FBN2: variants seen among roughly 807,000 people sequenced by gnomAD.
FBN2 encodes the protein fibrillin 2.
In FBN2, 105 loss-of-function variants were observed where a neutral mutation model predicts 355.6. The observed-to-expected ratio is 0.30, with a 90% CI of 0.25 to 0.35. The LOEUF is 0.35. Ranked by LOEUF, FBN2 falls within the 10% of genes least tolerant of loss-of-function variation. FBN2 has a pLI of 1.00. For missense variants in FBN2, 3,280 were observed against 3,758.7 expected (o/e 0.87, Z 3.33); for synonymous variants, 1,350 against 1,301.2 (o/e 1.04, Z -0.81).
intron 8 of FBN2, among the ~76,000 whole-genome samples, chr5:128,400,059 T>C (rs1294820342): frequency 4.0e-5 from 6 of 151,748 alleles, no homozygotes; most frequent in African/African-American, 1.5e-4. Context: ...AAAATAGATA[T>C]AGGCTGTTTA....
At chr5:128,335,421 G>C in intron 29 of FBN2, 34 bp downstream of exon 29, 1 of 1,613,890 alleles carries the variant, frequency 6.2e-7, no homozygotes, top group Non-Finnish European at 8.5e-7. Context: ...AAATTAGTTA[G>C]ATGTACAAAA....
rs917017781 is a variant in FBN2, at chr5:128,398,064, A to T, written c.1079-2790T>A. 2.0e-5 allele frequency among the ~76,000 whole-genome samples: 3 copies of T among 152,300 alleles called. No individual in the cohort carries two copies. In the East Asian group the frequency reaches 5.8e-4, roughly 29 times the overall value. Reference sequence around the variant, plus strand: ...TCTGTAACCACAAGGTCTTCCTCACATCAATAGCTTTGATGCCTCAATTCA... The same window carrying T: ...TCTGTAACCACAAGGTCTTCCTCACTTCAATAGCTTTGATGCCTCAATTCA... On this transcript the variant is annotated intron_variant, in intron 8 of 64. Transcript: ENST00000262464.
rs147474868 is a variant in FBN2 at position 128,301,401 on chromosome 5, T to C, written c.6027A>G (p.Pro2009=). ...CLCNEGYELT[P]DGKNCIDTNE... ...ACTTACCTATACAGTTTTTGCCATC[T>C]GGGGTAAGTTCATAACCTTCGTTAC... Residue 2009 remains proline, a synonymous_variant, in exon 47 of 65, where the codon CCA becomes CCG. Transcript: ENST00000262464. 8 of 1,613,358 alleles carry C rather than the reference T, an allele frequency of 5.0e-6. No homozygotes were observed. The highest frequency in any genetic ancestry group is 6.8e-6 in the Non-Finnish European group (8 of 1,179,572).
intron 36 of FBN2, among the ~76,000 whole-genome samples, chr5:128,314,269 T>C (rs1750140372): frequency 6.6e-6 from 1 of 152,204 alleles, no homozygotes; most frequent in Non-Finnish European, 1.5e-5. Context: ...GAATCTCAGA[T>C]CTCAGAGGCT....
chr5:128,428,759 A>G (rs1753544731), intron 7 of FBN2, among the ~76,000 whole-genome samples: 1 of 152,174 alleles, frequency 6.6e-6, no homozygotes, highest in Non-Finnish European at 1.5e-5. Flanking sequence ...TCATTACTCT[A>G]TTCCCAGGGT....
At chr5:128,529,346 C>A (rs548666716) in intron 3 of FBN2, among the ~76,000 whole-genome samples, 3 of 152,226 alleles carry the variant, frequency 2.0e-5, no homozygotes, top group African/African-American at 7.2e-5. Context: ...AAAAGGAGCA[C>A]TGAAGGCCAC....
Position 128,538,117 on chromosome 5 carries a change from G to A in FBN2, c.-514C>T, listed in dbSNP as rs1756910240. ...AGAAGAAGAGGAGGGTTCCCTCCGGGCTCGCTCGGAGTCCCACAGGGCAAC... is the reference window on the plus strand; with the variant it reads ...AGAAGAAGAGGAGGGTTCCCTCCGGACTCGCTCGGAGTCCCACAGGGCAAC... On this transcript the variant is annotated 5_prime_UTR_variant, in exon 1 of 65. Coordinates refer to ENST00000262464, the MANE Select transcript of FBN2 (RefSeq NM_001999.4). 6.3e-6 allele frequency: 1 copy of A among 157,626 alleles called. No homozygotes were observed. Among genetic ancestry groups the A allele is most frequent in the South Asian group, 1.7e-4 (1 of 5,804 alleles). 9.8% of individuals were successfully genotyped at this position (157,626 alleles called of 1,614,324 possible).
chr5:128,445,760 T>C (rs1220321812), intron 7 of FBN2, among the ~76,000 whole-genome samples: 7 of 152,132 alleles, frequency 4.6e-5, no homozygotes, highest in African/African-American at 1.4e-4. Flanking sequence ...ATTCTAAATA[T>C]CCATGATCAT....
intron 8 of FBN2, among the ~76,000 whole-genome samples, chr5:128,399,808 T>C (rs537041202): frequency 6.6e-6 from 1 of 152,038 alleles, no homozygotes; most frequent in Non-Finnish European, 1.5e-5. Flanking sequence ...AGAAATAAAG[T>C]ACATAACTTC....
chr5:128,519,425 G>A lies in FBN2; in HGVS notation c.533-57C>T, dbSNP rs1756371067. The A allele has an allele frequency of 3.2e-6, 4 of 1,244,742 alleles. No homozygotes were observed. In the Admixed American group the frequency reaches 6.8e-5, roughly 21 times the overall value. 77.1% of individuals were successfully genotyped at this position (1,244,742 alleles called of 1,614,324 possible). On this transcript the variant is annotated intron_variant, in intron 4 of 64. Coordinates refer to ENST00000262464, the MANE Select transcript of FBN2 (RefSeq NM_001999.4). ...ATAGCCAGTCTCCAAGCACAATATA[G>A]TAGTGCAGTGATGCTGCCAATAAAG...
chr5:128,325,772 GT>G (rs1451285418), intron 34 of FBN2, among the ~76,000 whole-genome samples: 2 of 151,892 alleles, frequency 1.3e-5, no homozygotes, highest in Non-Finnish European at 2.9e-5. Flanking sequence ...TCTTTCCACT[GT>G]TATTATCTCA....
intron 35 of FBN2, 93 bp downstream of exon 35, chr5:128,318,786 T>G: frequency 7.4e-7 from 1 of 1,357,428 alleles, no homozygotes; most frequent in Non-Finnish European, 1.0e-6. Flanking sequence ...AATGCATAGA[T>G]TAGCTAAGCA....
At position 128,369,332 on chromosome 5, in the gene FBN2, T is replaced by C; in HGVS notation, c.2098A>G (p.Thr700Ala). ...VGMDGRVCVD[T>A]HMRSTCYGGI... ...CCATAGCAGGTACTGCGCATGTGAGTATCTAAAGGAGATACAAAAACAATG... is the reference window on the plus strand; with the variant it reads ...CCATAGCAGGTACTGCGCATGTGAGCATCTAAAGGAGATACAAAAACAATG... The change falls in exon 16 of 65, where the codon ACT becomes GCT. Residue 700 changes from threonine (T) to alanine (A), a missense_variant and splice_region_variant. By Grantham distance (58) the Thr-to-Ala change is moderately conservative. Around this residue, in one of 6 missense-constraint regions of FBN2, gnomAD observed 2,284 missense variants for 2,749.5 expected, o/e 0.83. Transcript: ENST00000262464. The C allele has an allele frequency of 1.2e-6, 2 of 1,613,992 alleles. No homozygotes were observed. Among genetic ancestry groups the C allele is most frequent in the South Asian group, 1.1e-5 (1 of 91,082 alleles).
intron 49 of FBN2, 106 bp downstream of exon 49, chr5:128,291,423 G>T: frequency 7.8e-7 from 1 of 1,281,860 alleles, no homozygotes; most frequent in Non-Finnish European, 1.1e-6. Flanking sequence ...ATGTATTTTA[G>T]CATAGACATG....
rs1754655782 is a variant in FBN2, at chr5:128,464,638, T to C, written c.826+86A>G. 9 of 1,409,382 alleles carry C rather than the reference T, an allele frequency of 6.4e-6. No individual in the cohort carries two copies. In the Admixed American group the frequency reaches 6.7e-5, roughly 10 times the overall value. The allele number at this position is 1,409,382 out of a possible 1,614,324, so 87.3% of individuals were successfully genotyped here. On this transcript the variant is annotated intron_variant, in intron 6 of 64. Coordinates refer to ENST00000262464, the MANE Select transcript of FBN2 (RefSeq NM_001999.4). Reference sequence around the variant, plus strand: ...TGGAAATCAGTATTCTGTTAAAAGCTACCATCCAGTGCCAGATTCTCCAAC... The same window carrying C: ...TGGAAATCAGTATTCTGTTAAAAGCCACCATCCAGTGCCAGATTCTCCAAC...
chr5:128,510,038 G>A (rs1400552035), intron 5 of FBN2, among the ~76,000 whole-genome samples: 1 of 152,170 alleles, frequency 6.6e-6, no homozygotes, highest in South Asian at 2.1e-4. Flanking sequence ...GATGTCACAA[G>A]TTCTCTCTAT....
At chr5:128,466,268 A>G (rs1222661943) in intron 5 of FBN2, among the ~76,000 whole-genome samples, 1 of 152,222 alleles carries the variant, frequency 6.6e-6, no homozygotes, top group Admixed American at 6.5e-5. Flanking sequence ...ATGTCAATAC[A>G]GTTTATTAAT....
chr5:128,520,954 T>C lies in FBN2; in HGVS notation c.533-1586A>G, dbSNP rs192634951. On this transcript the variant is annotated intron_variant, in intron 4 of 64. Coordinates refer to ENST00000262464, the MANE Select transcript of FBN2 (RefSeq NM_001999.4). ...AAAGGAAAAAAGGCCACGGGGAACA[T>C]GAAAAAAATAAAGATGGATGGGAAG... is the stretch of plus-strand genomic sequence containing the variant. 1.4e-3 allele frequency among the ~76,000 whole-genome samples: 211 copies of C among 151,848 alleles called. 2 individuals carry two copies. The highest frequency in any genetic ancestry group is 0.013 in the Admixed American group (195 of 15,242).
At position 128,290,825 on chromosome 5, in the gene FBN2, C is replaced by T. The variant is rs1309379163; in HGVS notation, c.6352G>A (p.Ala2118Thr). ...CATTTTGCTTTTGTGGTGTTGAAAG[C>T]TTTGGGTACAGAACACTTTCCATTT... Reference protein sequence around the residue: ...FENGKCSVPKAFNTTKAKCCC... With the variant: ...FENGKCSVPKTFNTTKAKCCC... Residue 2118 changes from alanine to threonine, a missense_variant, in exon 50 of 65, where the codon GCT becomes ACT. Around this residue, in one of 6 missense-constraint regions of FBN2, gnomAD observed 2,284 missense variants for 2,749.5 expected, o/e 0.83. Transcript: ENST00000262464. 1.2e-6 allele frequency: 2 copies of T among 1,614,090 alleles called. No homozygotes were observed. Among genetic ancestry groups the T allele is most frequent in the Admixed American group, 1.7e-5 (1 of 60,016 alleles).
Sources: allele counts gnomAD v4.1 joint callset (sites outside exome capture counted in the v4.1 genomes callset), GRCh38; gene constraint gnomAD v4.1.1; regional missense constraint gnomAD v4.1.1; transcripts MANE v1.5; gene names NCBI Gene and HGNC (gene_info 2026-07-23, HGNC 2026-07-21).